Variants in ST3GAL3 observed in about 807,000 individuals in gnomAD.
ST3GAL3 encodes the protein CMP-N-acetylneuraminate-beta-1,4-galactoside alpha-2,3-sialyltransferase.
In ST3GAL3, 21 loss-of-function variants were observed where a neutral mutation model predicts 50.1. That is an observed-to-expected ratio of 0.42 (90% CI 0.30 to 0.60). The LOEUF (loss-of-function observed/expected upper bound fraction) is 0.60, where lower values mean the gene tolerates loss of function less well. ST3GAL3 is among the 20% of genes least tolerant of loss of function. ST3GAL3 has a pLI of 0.19. For missense variants in ST3GAL3, 353 were observed against 489.4 expected, an observed-to-expected ratio of 0.72 and a Z score of 2.63; for synonymous variants, 183 against 190.0, an observed-to-expected ratio of 0.96 and a Z score of 0.30.
chr1:43,709,090 G>C (rs1188076816), intron 1 of ST3GAL3, among the ~76,000 whole-genome samples: 1 of 152,212 alleles, frequency 6.6e-6, no homozygotes, highest in Non-Finnish European at 1.5e-5. Flanking sequence ...GCTGAGGCTT[G>C]AATTGGGTCA....
At chr1:43,744,423 TAG>T (rs1440837319) in intron 2 of ST3GAL3, among the ~76,000 whole-genome samples, 1 of 151,972 alleles carries the variant, frequency 6.6e-6, no homozygotes, top group Non-Finnish European at 1.5e-5. Flanking sequence ...CTAATTTTTG[TAG>T]AGACGGGATG....
chr1:43,708,044 G>T (rs1257205300), intron 1 of ST3GAL3: 1 of 152,438 alleles, frequency 6.6e-6, no homozygotes, highest in Non-Finnish European at 1.5e-5. Flanking sequence ...GAAAAGGAAA[G>T]AAAAGTCCAG....
chr1:43,922,172 C>G (rs1186819759), intron 11 of ST3GAL3: 2 of 155,134 alleles, frequency 1.3e-5, no homozygotes, highest in African/African-American at 2.4e-5. Context: ...TTGAGAGCAG[C>G]CTGGGCAACA....
At chr1:43,773,529 A>G (rs180944501) in intron 2 of ST3GAL3, among the ~76,000 whole-genome samples, 33 of 152,296 alleles carry the variant, frequency 2.2e-4, no homozygotes, top group Middle Eastern at 3.4e-3. Flanking sequence ...ACATTTTAAC[A>G]TTTTCCACAT....
chr1:43,851,173 G>A (rs888911743), intron 5 of ST3GAL3: 1 of 1,389,264 alleles, frequency 7.2e-7, no homozygotes, highest in Non-Finnish European at 1.0e-6. Flanking sequence ...AGAGGCGGGT[G>A]TTCTCCTCCA....
chr1:43,754,231 C>G (rs1687220572), intron 2 of ST3GAL3, among the ~76,000 whole-genome samples: 1 of 152,130 alleles, frequency 6.6e-6, no homozygotes, highest in African/African-American at 2.4e-5. Context: ...GCTCTGTCAC[C>G]CAGGCTGGAG....
Position 43,725,840 on chromosome 1 carries a change from T to G in ST3GAL3, c.-30-10393T>G, listed in dbSNP as rs986210077. Among the ~76,000 whole-genome samples the G allele has an allele frequency of 3.3e-5, 5 of 152,074 alleles. No homozygotes were observed. The East Asian group carries it at 7.7e-4, about 24-fold the overall frequency. Reference sequence around the variant, plus strand: ...TTTTGTATTTTTTGTAGAGACGGTTTCGCTATGTTGCCCAGGCTAATCTCG... The same window carrying G: ...TTTTGTATTTTTTGTAGAGACGGTTGCGCTATGTTGCCCAGGCTAATCTCG... On this transcript the variant is annotated intron_variant, in intron 1 of 11. Transcript: ENST00000347631.
Position 43,897,156 on chromosome 1 carries a change from A to C in ST3GAL3, c.398-1079A>C, listed in dbSNP as rs576133230. Among the ~76,000 whole-genome samples, 12 of 151,896 alleles carry C rather than the reference A, an allele frequency of 7.9e-5. No individual in the cohort carries two copies. In the South Asian group the frequency reaches 2.5e-3, roughly 32 times the overall value. On this transcript the variant is annotated intron_variant, in intron 6 of 11. Coordinates refer to ENST00000347631, the MANE Select transcript of ST3GAL3 (RefSeq NM_006279.5). ...TTGCTATTACAAACAGTTCATCAGC[A>C]AACACTCTTGCATGTCTCCTGGAGC...
rs567163765 is a variant in ST3GAL3, at chr1:43,815,690, A to C, written c.209+757A>C. On this transcript the variant is annotated intron_variant, in intron 4 of 11. Transcript: ENST00000347631. ...ACTCTGAGCCTCAGTTTCATCTGTA[A>C]GATGATGACAATAAACTTATTTCAC... 2.6e-5 allele frequency among the ~76,000 whole-genome samples: 4 copies of C among 152,312 alleles called. No homozygotes were observed. In the East Asian group the frequency reaches 5.8e-4, roughly 22 times the overall value.
intron 1 of ST3GAL3, among the ~76,000 whole-genome samples, chr1:43,725,641 T>TTTAA (rs1021989816): frequency 3.3e-5 from 5 of 152,138 alleles, no homozygotes; most frequent in Admixed American, 6.6e-5. Context: ...TCTTATTAAA[T>TTTAA]TTAATTAATT....
intron 5 of ST3GAL3, among the ~76,000 whole-genome samples, chr1:43,891,229 A>G (rs536800151): frequency 6.6e-6 from 1 of 152,354 alleles, no homozygotes; most frequent in East Asian, 1.9e-4. Flanking sequence ...TCAGGAGCCA[A>G]GTTGAAAAGA....
intron 3 of ST3GAL3, among the ~76,000 whole-genome samples, chr1:43,797,287 A>T (rs2058786217): frequency 6.6e-6 from 1 of 152,206 alleles, no homozygotes; most frequent in African/African-American, 2.4e-5. Flanking sequence ...AGAACCAAAT[A>T]AAGCAATAAA....
At position 43,848,294 on chromosome 1, in the gene ST3GAL3, CTTTTT is replaced by C. The variant is rs58438507; in HGVS notation, c.302+10001_302+10005del. 1.1e-4 allele frequency among the ~76,000 whole-genome samples: 8 copies of C among 70,380 alleles called. No homozygotes were observed. In the South Asian group the frequency reaches 2.4e-3, roughly 21 times the overall value. 46.2% of individuals were successfully genotyped at this position (70,380 alleles called of 152,430 possible). A position where few individuals can be genotyped will look rare whatever the true frequency, so the allele number is the denominator to read the frequency against. Reference sequence around the variant, plus strand: ...TTATGGTGTCCCTTGTTGTGGTTTTCTTTTTTTTTTTTTTTTTTTTTTGGCGTAGG... The same window carrying C: ...TTATGGTGTCCCTTGTTGTGGTTTTCTTTTTTTTTTTTTTTTTGGCGTAGG... On this transcript the variant is annotated intron_variant, in intron 5 of 11. Coordinates refer to ENST00000347631, the MANE Select transcript of ST3GAL3 (RefSeq NM_006279.5).
At chr1:43,864,480 G>A (rs922917192) in intron 5 of ST3GAL3, among the ~76,000 whole-genome samples, 2 of 152,214 alleles carry the variant, frequency 1.3e-5, no homozygotes, top group African/African-American at 2.4e-5. Context: ...GGAAGGGCAG[G>A]AATCACATGG....
At chr1:43,929,900 AGGG>A in intron 11 of ST3GAL3, 1 of 637,622 alleles carries the variant, frequency 1.6e-6, no homozygotes, top group South Asian at 1.5e-5. Flanking sequence ...GGACGAGGAA[AGGG>A]GTATGAAGGT....
intron 5 of ST3GAL3, among the ~76,000 whole-genome samples, chr1:43,889,001 G>A (rs1342312639): frequency 6.6e-6 from 1 of 152,004 alleles, no homozygotes; most frequent in South Asian, 2.1e-4. Flanking sequence ...ACTACTAGTA[G>A]CACCTACTTT....
intron 1 of ST3GAL3, among the ~76,000 whole-genome samples, chr1:43,735,874 A>G (rs1236671914): frequency 6.6e-6 from 1 of 152,216 alleles, no homozygotes; most frequent in African/African-American, 2.4e-5. Context: ...GTAAATTTGA[A>G]GGCAGGGAAA....
intron 1 of ST3GAL3, among the ~76,000 whole-genome samples, chr1:43,710,069 C>T (rs924442634): frequency 9.2e-5 from 14 of 152,012 alleles, no homozygotes; most frequent in African/African-American, 2.9e-4. Context: ...ACCCTACTTC[C>T]ACACTGTTTC....
At chr1:43,869,081 T>C (rs1473450534) in intron 5 of ST3GAL3, among the ~76,000 whole-genome samples, 1 of 152,162 alleles carries the variant, frequency 6.6e-6, no homozygotes, top group Non-Finnish European at 1.5e-5. Context: ...TCTTGCCACT[T>C]TCCTGGGCTT....
Sources: gnomAD v4.1 joint callset for allele counts (sites outside exome capture counted in the v4.1 genomes callset) on GRCh38, gnomAD v4.1.1 for gene constraint, MANE v1.5 for transcripts, NCBI Gene and HGNC (gene_info 2026-07-23, HGNC 2026-07-21) for gene names.